GRM8: variants seen among roughly 807,000 people sequenced by gnomAD.
GRM8 encodes the protein glutamate metabotropic receptor 8, also known as metabotropic glutamate receptor 8.
In GRM8, 47 loss-of-function variants were observed where a neutral mutation model predicts 87.2. The observed-to-expected ratio is 0.54, with a 90% CI of 0.43 to 0.69. The LOEUF (loss-of-function observed/expected upper bound fraction) is 0.69. Ranked by LOEUF, GRM8 falls within the 30% of genes least tolerant of loss-of-function variation. The pLI is 0.00. For synonymous variants in GRM8, 396 were observed against 404.5 expected (o/e 0.98, Z 0.25); for missense variants, 1,019 against 1,139.2 (o/e 0.89, Z 1.52).
rs1239224846 is a variant in GRM8, at chr7:127,111,822, T to G, written c.511-5110A>C. Among the ~76,000 whole-genome samples, 3 of 151,790 alleles carry G rather than the reference T, an allele frequency of 2.0e-5. No homozygotes were observed. The East Asian group carries it at 5.8e-4, about 29-fold the overall frequency. On this transcript the variant is annotated intron_variant, in intron 2 of 10. Transcript: ENST00000339582. ...TGGGCAGATCACCTGAGGTCAGGAGTTCGAGACCAGCCTGGTCAACACGGT... is the reference window on the plus strand; with the variant it reads ...TGGGCAGATCACCTGAGGTCAGGAGGTCGAGACCAGCCTGGTCAACACGGT...
At chr7:126,886,372 T>C (rs1202678826) in intron 6 of GRM8, among the ~76,000 whole-genome samples, 1 of 152,148 alleles carries the variant, frequency 6.6e-6, no homozygotes, top group Non-Finnish European at 1.5e-5. Context: ...ACATTTTCAA[T>C]TTTTTCTCCT....
intron 7 of GRM8, 31 bp downstream of exon 7, chr7:126,769,834 T>A: frequency 5.0e-6 from 7 of 1,395,650 alleles, no homozygotes; most frequent in Non-Finnish European, 7.1e-6. Flanking sequence ...TCGCTTTTAA[T>A]GTATTTAGAC....
chr7:127,028,163 T>A (rs977423879), intron 3 of GRM8, among the ~76,000 whole-genome samples: 2 of 152,228 alleles, frequency 1.3e-5, no homozygotes, highest in African/African-American at 4.8e-5. Flanking sequence ...CCAGCCTTGC[T>A]TGCATCCCAG....
chr7:126,996,571 A>T (rs1484896311), intron 3 of GRM8, among the ~76,000 whole-genome samples: 1 of 152,090 alleles, frequency 6.6e-6, no homozygotes, highest in Non-Finnish European at 1.5e-5. Flanking sequence ...TCAACTATAA[A>T]GATACACATA....
intron 9 of GRM8, among the ~76,000 whole-genome samples, chr7:126,488,152 A>G (rs1442013166): frequency 6.6e-6 from 1 of 151,952 alleles, no homozygotes; most frequent in Admixed American, 6.6e-5. Flanking sequence ...CTTTATCAAT[A>G]GCATTCAGCT....
chr7:126,869,706 T>C (rs1428550797), intron 6 of GRM8: 3 of 152,028 alleles, frequency 2.0e-5, no homozygotes, highest in Non-Finnish European at 4.4e-5. Context: ...GCTTAAAGTG[T>C]TTAGTAAACA....
At chr7:126,493,628 C>G (rs1562879274) in intron 9 of GRM8, among the ~76,000 whole-genome samples, 2 of 152,004 alleles carry the variant, frequency 1.3e-5, no homozygotes, top group African/African-American at 4.8e-5. Flanking sequence ...ACTAACGCAG[C>G]CTCCCTAAGT....
chr7:126,489,458 G>A (rs1250298391), intron 9 of GRM8, among the ~76,000 whole-genome samples: 2 of 152,032 alleles, frequency 1.3e-5, no homozygotes, highest in Non-Finnish European at 2.9e-5. Flanking sequence ...TATTGGCAAA[G>A]TACTATGTGT....
chr7:126,730,468 T>C (rs1471446303), intron 7 of GRM8, among the ~76,000 whole-genome samples: 1 of 152,158 alleles, frequency 6.6e-6, no homozygotes, highest in Non-Finnish European at 1.5e-5. Context: ...TATCAGGATG[T>C]AAATTTGGAA....
At chr7:127,084,499 C>T (rs887001590) in intron 3 of GRM8, 18 of 152,142 alleles carry the variant, frequency 1.2e-4, no homozygotes, top group African/African-American at 4.3e-4. Flanking sequence ...AACCACAGAG[C>T]ACCTTCATTA....
intron 7 of GRM8, among the ~76,000 whole-genome samples, chr7:126,680,084 C>T (rs1807384373): frequency 6.6e-6 from 1 of 151,914 alleles, no homozygotes; most frequent in South Asian, 2.1e-4. Context: ...ATAGGAGGCT[C>T]ACCCCAGATT....
At chr7:126,899,693 C>G (rs1211574767) in intron 6 of GRM8, among the ~76,000 whole-genome samples, 1 of 151,928 alleles carries the variant, frequency 6.6e-6, no homozygotes, top group Non-Finnish European at 1.5e-5. Flanking sequence ...AAGTTTCCAT[C>G]AAGATCCTAC....
intron 3 of GRM8, among the ~76,000 whole-genome samples, chr7:127,034,138 T>C (rs2237780): frequency 0.19 from 28,509 of 152,154 alleles, 2,737 homozygotes; most frequent in Middle Eastern, 0.21. Flanking sequence ...ACCAGTTACA[T>C]ATAAATACAT....
At chr7:127,085,495 C>G (rs1209215314) in intron 3 of GRM8, among the ~76,000 whole-genome samples, 1 of 152,172 alleles carries the variant, frequency 6.6e-6, no homozygotes, top group Non-Finnish European at 1.5e-5. Context: ...TTTTAATGAT[C>G]GCCATTCTAA....
At chr7:126,579,891 TA>T (rs913733532) in intron 8 of GRM8, among the ~76,000 whole-genome samples, 1 of 152,048 alleles carries the variant, frequency 6.6e-6, no homozygotes, top group Non-Finnish European at 1.5e-5. Context: ...ATATCTCCCT[TA>T]AAAGGTCCCT....
At chr7:127,228,402 G>A (rs1240797828) in intron 2 of GRM8, 1 of 152,218 alleles carries the variant, frequency 6.6e-6, no homozygotes, top group East Asian at 1.9e-4. Flanking sequence ...CTGGAGAACT[G>A]AAGGCTCAGG....
intron 9 of GRM8, among the ~76,000 whole-genome samples, chr7:126,450,362 G>C (rs1386311633): frequency 6.6e-6 from 1 of 151,786 alleles, no homozygotes; most frequent in Non-Finnish European, 1.5e-5. Flanking sequence ...AACAGACTCA[G>C]TATTTATTCC....
intron 7 of GRM8, among the ~76,000 whole-genome samples, chr7:126,762,107 A>G (rs777369318): frequency 9.2e-5 from 14 of 152,190 alleles, no homozygotes; most frequent in Non-Finnish European, 1.8e-4. Context: ...ATTTTAAAAG[A>G]CACAGCACTC....
intron 9 of GRM8, among the ~76,000 whole-genome samples, chr7:126,528,348 C>A (rs1167920327): frequency 6.6e-6 from 1 of 152,116 alleles, no homozygotes; most frequent in Non-Finnish European, 1.5e-5. Flanking sequence ...GCAATTCATT[C>A]GAATATATTC....
Sources: gnomAD v4.1 joint callset for allele counts (sites outside exome capture counted in the v4.1 genomes callset) on GRCh38, gnomAD v4.1.1 for gene constraint, MANE v1.5 for transcripts, NCBI Gene and HGNC (gene_info 2026-07-23, HGNC 2026-07-21) for gene names.